Variants in PWWP2B observed in about 807,000 individuals in gnomAD.
The protein encoded by PWWP2B is PWWP domain-containing protein 2B.
In PWWP2B, 9 loss-of-function variants were observed where a neutral mutation model predicts 15.5. The ratio of observed to expected loss-of-function variants is 0.58; its 90% CI spans 0.35 to 1.02. The LOEUF (loss-of-function observed/expected upper bound fraction) is 1.02. Ranked by LOEUF, PWWP2B falls within the 50% of genes least tolerant of loss-of-function variation. The pLI is 0.02. For synonymous variants in PWWP2B, 474 were observed against 403.6 expected (o/e 1.17, Z -2.09); for missense variants, 864 against 865.3 (o/e 1.00, Z 0.02).
chr10:132,397,562 G>T (rs1490307474), intron 1 of PWWP2B, among the ~76,000 whole-genome samples: 1 of 151,516 alleles, frequency 6.6e-6, no homozygotes, highest in Non-Finnish European at 1.5e-5. Flanking sequence ...GACTTTTCGG[G>T]GCGGGCGCCG....
chr10:132,404,050 G>GGCATTCTCCAGGGCTCCTGCAGGACA (rs2069648368), intron 1 of PWWP2B, among the ~76,000 whole-genome samples: 1 of 139,248 alleles, frequency 7.2e-6, no homozygotes, highest in Non-Finnish European at 1.5e-5. Flanking sequence ...CCTGCAGGAC[G>GGCATTCTCCAGGGCTCCTGCAGGACA]GCATTCTCCA....
Position 132,405,705 on chromosome 10 carries a change from A to C in PWWP2B, c.1205A>C (p.Glu402Ala). The C allele has an allele frequency of 6.2e-7, 1 of 1,611,868 alleles. No individual in the cohort carries two copies. The highest frequency in any genetic ancestry group is 8.5e-7 in the Non-Finnish European group (1 of 1,179,892). The change falls in exon 2 of 3, where the codon GAG (glutamate) becomes GCG (alanine). Residue 402 changes from glutamate to alanine, a missense_variant. By Grantham distance (107) the Glu-to-Ala change is moderately radical. Coordinates refer to ENST00000305233, the MANE Select transcript of PWWP2B (RefSeq NM_138499.4). The stretch of plus-strand genomic sequence containing the variant: ...TGTCCCCAGGGTCCACAGGGACGCG[A>C]GGGCTTGGCTTTTCTCGTCAGCTGC... Reference protein sequence around the residue: ...KSCPQGPQGREGLAFLVSCPE... With the variant: ...KSCPQGPQGRAGLAFLVSCPE...
At chr10:132,416,446 C>T (rs530744300) in intron 2 of PWWP2B, among the ~76,000 whole-genome samples, 9 of 152,334 alleles carry the variant, frequency 5.9e-5, no homozygotes, top group Admixed American at 3.3e-4. Flanking sequence ...GATCGTCTGT[C>T]CCCGCCAGGT....
intron 2 of PWWP2B, among the ~76,000 whole-genome samples, chr10:132,416,185 AGGTCCC>A (rs961960800): frequency 1.1e-4 from 17 of 152,156 alleles, no homozygotes; most frequent in African/African-American, 3.1e-4. Context: ...CGACAGGGGC[AGGTCCC>A]TCCTGCCCTG....
chr10:132,406,346 C>T (rs2069698363), intron 2 of PWWP2B, 57 bp downstream of exon 2: 4 of 1,395,598 alleles, frequency 2.9e-6, no homozygotes, highest in African/African-American at 1.4e-5. Flanking sequence ...ACACCTGTGT[C>T]CAGGCCATGC....
At chr10:132,404,495 TG>T in intron 1 of PWWP2B, 130 bp from the exon 2 acceptor site, 1 of 760,828 alleles carries the variant, frequency 1.3e-6, no homozygotes, top group Non-Finnish European at 2.3e-6. Context: ...AATACAGCCC[TG>T]GACTCAGGGC....
At chr10:132,411,494 G>C (rs757838533) in intron 2 of PWWP2B, among the ~76,000 whole-genome samples, 8 of 152,258 alleles carry the variant, frequency 5.3e-5, no homozygotes, top group Non-Finnish European at 1.2e-4. Flanking sequence ...ATGTCCGACA[G>C]AAGGGAAGGC....
At chr10:132,408,328 C>T (rs1167646131) in intron 2 of PWWP2B, among the ~76,000 whole-genome samples, 6 of 152,326 alleles carry the variant, frequency 3.9e-5, no homozygotes, top group East Asian at 3.9e-4. Flanking sequence ...TTGAGGGACA[C>T]GTTTGCTTTG....
chr10:132,415,987 G>A (rs898805588), intron 2 of PWWP2B, among the ~76,000 whole-genome samples: 2 of 152,208 alleles, frequency 1.3e-5, no homozygotes. Flanking sequence ...CACGGCACAC[G>A]CCTGCAGGTG....
rs971777085 is a variant in PWWP2B at position 132,410,646 on chromosome 10, G to A, written c.*16+4357G>A. Among the ~76,000 whole-genome samples, 36 of 152,174 alleles carry A rather than the reference G, an allele frequency of 2.4e-4. 1 individual carries two copies. The highest frequency in any genetic ancestry group is 2.6e-4 in the Admixed American group (4 of 15,286). On this transcript the variant is annotated intron_variant, in intron 2 of 2. Coordinates refer to ENST00000305233, the MANE Select transcript of PWWP2B (RefSeq NM_138499.4). ...GGCCAATGGGGACACCTGGTCCTGG[G>A]AGCCGTGAGGGCCAACGGGGCACCT...
At chr10:132,407,120 G>A (rs185601457) in intron 2 of PWWP2B, among the ~76,000 whole-genome samples, 4 of 152,262 alleles carry the variant, frequency 2.6e-5, no homozygotes, top group South Asian at 2.1e-4. Flanking sequence ...TAATCACCAC[G>A]TGGGGCATCC....
intron 2 of PWWP2B, among the ~76,000 whole-genome samples, chr10:132,407,946 G>A (rs973562951): frequency 6.6e-6 from 1 of 152,248 alleles, no homozygotes; most frequent in East Asian, 1.9e-4. Context: ...ATCCCCCCAC[G>A]CAGGACGTCT....
chr10:132,397,459 G>T, intron 1 of PWWP2B, 108 bp downstream of exon 1: 1 of 1,078,378 alleles, frequency 9.3e-7, no homozygotes, highest in South Asian at 4.4e-5. Context: ...CGTGGCCCCG[G>T]CGCCCGCTTT....
At chr10:132,410,650 C>T (rs572017644) in intron 2 of PWWP2B, among the ~76,000 whole-genome samples, 165 of 152,198 alleles carry the variant, frequency 1.1e-3, no homozygotes, top group Non-Finnish European at 2.1e-3. Flanking sequence ...TCCTGGGAGC[C>T]GTGAGGGCCA....
At chr10:132,399,468 G>T (rs911130392) in intron 1 of PWWP2B, among the ~76,000 whole-genome samples, 2 of 152,278 alleles carry the variant, frequency 1.3e-5, no homozygotes, top group South Asian at 4.1e-4. Flanking sequence ...GTTGTCGGCC[G>T]GTTTGGGAGA....
At chr10:132,416,137 C>T (rs1420978639) in intron 2 of PWWP2B, among the ~76,000 whole-genome samples, 3 of 151,956 alleles carry the variant, frequency 2.0e-5, no homozygotes, top group Non-Finnish European at 4.4e-5. Flanking sequence ...GGGGCCGGGA[C>T]AGGGGCAGGT....
intron 2 of PWWP2B, among the ~76,000 whole-genome samples, chr10:132,408,980 C>T (rs531673695): frequency 4.4e-4 from 67 of 152,362 alleles, no homozygotes; most frequent in African/African-American, 1.4e-3. Context: ...GGCACCCCTC[C>T]GTGTGAGGTC....
rs201467174 is a variant in PWWP2B at position 132,405,245 on chromosome 10, C to T, written c.745C>T (p.Arg249Trp). 2 of 1,608,420 alleles carry T rather than the reference C, an allele frequency of 1.2e-6. No homozygotes were observed. Among genetic ancestry groups the T allele is most frequent in the East Asian group, 2.2e-5 (1 of 44,674 alleles). The change falls in exon 2 of 3, where the codon CGG (arginine) becomes TGG (tryptophan). Residue 249 changes from arginine to tryptophan, a missense_variant. This residue lies in a region of PWWP2B where 736 missense variants were observed against 687.7 expected (regional missense o/e 1.07). Transcript: ENST00000305233. ...EDRAPAEQVPRSPVIKISYST... is the reference protein window; with the variant it reads ...EDRAPAEQVPWSPVIKISYST... The stretch of plus-strand genomic sequence containing the variant: ...CAGGGCCCCGGCAGAGCAGGTCCCG[C>T]GGAGCCCGGTCATCAAGATCTCCTA...
intron 2 of PWWP2B, among the ~76,000 whole-genome samples, chr10:132,408,238 A>G (rs1170643065): frequency 6.6e-6 from 1 of 152,174 alleles, no homozygotes; most frequent in Non-Finnish European, 1.5e-5. Flanking sequence ...CCTGAGGGCT[A>G]AAGACCAAGT....
Sources: gnomAD v4.1 joint callset for allele counts (sites outside exome capture counted in the v4.1 genomes callset) on GRCh38, gnomAD v4.1.1 for gene constraint, gnomAD v4.1.1 regional missense constraint, MANE v1.5 for transcripts, NCBI Gene and HGNC (gene_info 2026-07-23, HGNC 2026-07-21) for gene names.